The following CCDC77 variants were observed in gnomAD, a reference collection of about 807,000 sequenced individuals.
CCDC77 encodes coiled-coil domain-containing protein 77.
Under a neutral mutation model 66.8 loss-of-function variants are expected in CCDC77, and 56 were observed. The observed-to-expected ratio is 0.84, with a 90% CI of 0.68 to 1.05. CCDC77 has a LOEUF of 1.05. Ranked by LOEUF, CCDC77 falls within the 50% of genes least tolerant of loss-of-function variation. The pLI is 0.00. For synonymous variants in CCDC77, 196 were observed against 195.2 expected (o/e 1.00, Z -0.03); for missense variants, 570 against 576.8 (o/e 0.99, Z 0.12).
At chr12:397,093 T>C (rs1195403299), upstream of CCDC77, among the ~76,000 whole-genome samples, 2 of 151,946 alleles carry the variant, frequency 1.3e-5, no homozygotes, top group Non-Finnish European at 2.9e-5. Flanking sequence ...TTTGTATTTT[T>C]ACTAGAGATG....
chr12:419,486 T>A (rs112142960), intron 5 of CCDC77, among the ~76,000 whole-genome samples: 1 of 32,126 alleles, frequency 3.1e-5, no homozygotes, highest in Non-Finnish European at 6.2e-5. Context: ...ACACTCCATG[T>A]TCCATTACAG....
At chr12:438,618 A>G in intron 10 of CCDC77, 64 bp downstream of exon 10, 10 of 1,242,544 alleles carry the variant, frequency 8.0e-6, no homozygotes, top group Non-Finnish European at 1.1e-5. Context: ...AATTCCAAAG[A>G]ACCTACAATT....
intron 1 of CCDC77, among the ~76,000 whole-genome samples, chr12:403,014 CTT>C (rs1338452093): frequency 6.6e-6 from 1 of 152,112 alleles, no homozygotes; most frequent in Non-Finnish European, 1.5e-5. Flanking sequence ...TGAGTGATTT[CTT>C]TTTTAAGTTA....
intron 12 of CCDC77, 98 bp downstream of exon 12, chr12:441,094 T>A: frequency 3.1e-6 from 4 of 1,271,770 alleles, no homozygotes; most frequent in African/African-American, 1.5e-5. Flanking sequence ...GCTGTTTCCC[T>A]GCTGGTAAAC....
At chr12:433,502 T>C (rs1945689279) in intron 9 of CCDC77, 180 bp downstream of exon 9, 2 of 1,390,604 alleles carry the variant, frequency 1.4e-6, no homozygotes, top group Non-Finnish European at 1.9e-6. Context: ...AGGCGTGCTG[T>C]TGAAGAGCTG....
intron 4 of CCDC77, among the ~76,000 whole-genome samples, chr12:415,526 A>G (rs1591972759): frequency 1.4e-5 from 2 of 147,680 alleles, no homozygotes; most frequent in African/African-American, 5.0e-5. Flanking sequence ...ATATTAACAT[A>G]ATTATTAACA....
intron 7 of CCDC77, among the ~76,000 whole-genome samples, chr12:431,021 A>G (rs1482351435): frequency 6.9e-6 from 1 of 144,462 alleles, no homozygotes; most frequent in East Asian, 2.1e-4. Context: ...CGGAGGTTGC[A>G]GTGAGCTGAG....
rs530361996 is a variant in CCDC77 at position 423,932 on chromosome 12, A to G, written c.414-4837A>G. 3.8e-4 allele frequency among the ~76,000 whole-genome samples: 58 copies of G among 152,054 alleles called. 1 individual carries two copies. The South Asian group carries it at 0.011, about 29-fold the overall frequency. On this transcript the variant is annotated intron_variant, in intron 5 of 12. Coordinates refer to ENST00000239830, the MANE Select transcript of CCDC77 (RefSeq NM_032358.4). The stretch of plus-strand genomic sequence containing the variant: ...TCTTCTTTGGAGAAATGTCTATTCA[A>G]ATATTTTGCCCATTTTAATAATTGG...
chr12:414,948 T>C (rs1442091541), intron 4 of CCDC77, among the ~76,000 whole-genome samples: 1 of 152,162 alleles, frequency 6.6e-6, no homozygotes, highest in Non-Finnish European at 1.5e-5. Context: ...TACTGAAATA[T>C]TTGTACTTGT....
chr12:426,313 C>T (rs1945531238), intron 5 of CCDC77, among the ~76,000 whole-genome samples: 1 of 152,158 alleles, frequency 6.6e-6, no homozygotes, highest in East Asian at 1.9e-4. Flanking sequence ...TAATTAGTGG[C>T]CACTTACCAT....
intron 1 of CCDC77, among the ~76,000 whole-genome samples, chr12:404,627 A>G (rs1189197766): frequency 6.6e-6 from 1 of 152,142 alleles, no homozygotes; most frequent in Non-Finnish European, 1.5e-5. Context: ...AGTGTAGACA[A>G]CTTTTCGTAG....
In CCDC77 at chr12:414,516, T is replaced by C. The variant is rs143197081; in HGVS notation, c.270+2538T>C. 1.6e-4 allele frequency among the ~76,000 whole-genome samples: 25 copies of C among 152,326 alleles called. 1 individual carries two copies. In the East Asian group the frequency reaches 4.6e-3, roughly 28 times the overall value. On this transcript the variant is annotated intron_variant, in intron 4 of 12. Coordinates refer to ENST00000239830, the MANE Select transcript of CCDC77 (RefSeq NM_032358.4). ...GAGTTCTTCCAGATTCTACTATAAA[T>C]GACCTTGTTTTATCCTTGTATTACA...
rs754974609 is a variant in CCDC77, at chr12:418,649, A to G, written c.413+13A>G. The G allele has an allele frequency of 1.9e-6, 3 of 1,608,344 alleles. No individual in the cohort carries two copies. The highest frequency in any genetic ancestry group is 2.2e-5 in the South Asian group (2 of 89,824). ...GACTGAGAATCAGGTACCAAATAGG[A>G]GAAGGGAAATGTTGGAGTTTAACTT... On this transcript the variant is annotated intron_variant, in intron 5 of 12. Transcript: ENST00000239830.
intron 1 of CCDC77, among the ~76,000 whole-genome samples, chr12:391,424 C>T (rs1449378776): frequency 6.6e-6 from 1 of 151,698 alleles, no homozygotes; most frequent in East Asian, 1.9e-4. Context: ...CACTGTACTC[C>T]AGCCTAGGCA....
chr12:408,030 A>G (rs1447394258), intron 2 of CCDC77, among the ~76,000 whole-genome samples: 3 of 151,848 alleles, frequency 2.0e-5, no homozygotes, highest in African/African-American at 4.8e-5. Context: ...CTTGTGATAC[A>G]CCCACCTCGG....
At chr12:430,038 G>C (rs1003327967) in intron 6 of CCDC77, among the ~76,000 whole-genome samples, 2 of 152,044 alleles carry the variant, frequency 1.3e-5, no homozygotes, top group African/African-American at 4.8e-5. Context: ...TTGTACACCA[G>C]GCTGGAGTGT....
chr12:419,286 A>G (rs12305639), intron 5 of CCDC77, among the ~76,000 whole-genome samples: 2 of 152,140 alleles, frequency 1.3e-5, no homozygotes, highest in East Asian at 3.9e-4. Context: ...GGATGCAGGT[A>G]GTCCCCAGGG....
chr12:408,817 A>G lies in CCDC77; in HGVS notation c.-16-551A>G, dbSNP rs549531591. Reference sequence around the variant, plus strand: ...GTGTGCTTATCCATTTAAATATTCAATGCCATTCTGATTTTTATTTGAAAA... The same window carrying G: ...GTGTGCTTATCCATTTAAATATTCAGTGCCATTCTGATTTTTATTTGAAAA... On this transcript the variant is annotated intron_variant, in intron 2 of 12. Coordinates refer to ENST00000239830, the MANE Select transcript of CCDC77 (RefSeq NM_032358.4). Among the ~76,000 whole-genome samples the G allele has an allele frequency of 3.3e-5, 5 of 152,320 alleles. No homozygotes were observed. The East Asian group carries it at 9.6e-4, about 29-fold the overall frequency.
At chr12:416,190 T>C (rs10161265) in intron 4 of CCDC77, among the ~76,000 whole-genome samples, 97,097 of 149,552 alleles carry the variant, frequency 0.65, 32,500 homozygotes, top group South Asian at 0.79. Context: ...ATCCTCCCAC[T>C]TTAACCTCCC....
Sources: allele counts gnomAD v4.1 joint callset (sites outside exome capture counted in the v4.1 genomes callset), GRCh38; gene constraint gnomAD v4.1.1; transcripts MANE v1.5; gene names NCBI Gene and HGNC (gene_info 2026-07-23, HGNC 2026-07-21).